The following CSMD3 variants were observed in gnomAD, a reference collection of about 807,000 sequenced individuals.
CSMD3 encodes CUB and sushi domain-containing protein 3.
In CSMD3, 177 loss-of-function variants were observed where a neutral mutation model predicts 435.2. The ratio of observed to expected loss-of-function variants is 0.41; its 90% CI spans 0.36 to 0.46. The LOEUF (loss-of-function observed/expected upper bound fraction) is 0.46, where lower values mean the gene tolerates loss of function less well. Ranked by LOEUF, CSMD3 falls within the 20% of genes least tolerant of loss-of-function variation. The pLI is 0.34. For missense variants in CSMD3, 4,265 were observed against 4,504.6 expected, an observed-to-expected ratio of 0.95 and a Z score of 1.52; for synonymous variants, 1,656 against 1,520.5, an observed-to-expected ratio of 1.09 and a Z score of -2.07.
At chr8:112,321,997 G>A (rs372156884) in intron 45 of CSMD3, among the ~76,000 whole-genome samples, 1 of 152,232 alleles carries the variant, frequency 6.6e-6, no homozygotes. Flanking sequence ...AAATGTAAGA[G>A]AAAATGGAGA....
At chr8:112,977,564 T>C (rs2084900614) in intron 6 of CSMD3, among the ~76,000 whole-genome samples, 1 of 152,032 alleles carries the variant, frequency 6.6e-6, no homozygotes, top group Non-Finnish European at 1.5e-5. Context: ...AAGTCAAACC[T>C]GGAGCCCCTC....
chr8:112,733,342 A>T (rs2077115849), intron 13 of CSMD3, among the ~76,000 whole-genome samples: 1 of 151,646 alleles, frequency 6.6e-6, no homozygotes, highest in Admixed American at 6.6e-5. Flanking sequence ...AATAAATTAG[A>T]ATTTGAATGT....
chr8:112,700,402 G>A (rs553424298), intron 13 of CSMD3, among the ~76,000 whole-genome samples: 1 of 152,234 alleles, frequency 6.6e-6, no homozygotes, highest in Non-Finnish European at 1.5e-5. Flanking sequence ...TCGGGAGGTT[G>A]AGGCTGGAAA....
intron 30 of CSMD3, among the ~76,000 whole-genome samples, chr8:112,496,202 C>G (rs890043284): frequency 1.3e-5 from 2 of 152,112 alleles, no homozygotes; most frequent in East Asian, 1.9e-4. Context: ...ATCTCCTGAC[C>G]TCATGATCCA....
rs1814201694 is a variant in CSMD3, at chr8:112,241,861, C to CACACAA, written c.10403-77_10403-76insTTGTGT. 129 of 869,846 alleles carry CACACAA rather than the reference C, an allele frequency of 1.5e-4. No homozygotes were observed. The South Asian group carries it at 1.7e-3, about 11-fold the overall frequency. The allele number at this position is 869,846 out of a possible 1,614,324, so 53.9% of individuals were successfully genotyped here. On this transcript the variant is annotated intron_variant, in intron 65 of 70. Transcript: ENST00000297405. ...ACACATGCGCACACACACACACGCACACACACACACAGTGTGATGCACTGT... is the reference window on the plus strand; with the variant it reads ...ACACATGCGCACACACACACACGCACACACAAACACACACACAGTGTGATGCACTGT...
intron 3 of CSMD3, among the ~76,000 whole-genome samples, chr8:113,263,744 A>G (rs979795934): frequency 6.6e-6 from 1 of 151,894 alleles, no homozygotes; most frequent in Non-Finnish European, 1.5e-5. Context: ...AGATAAAATC[A>G]ACATATGATA....
Position 112,530,533 on chromosome 8 carries a change from C to G in CSMD3, c.4565-13308G>C, listed in dbSNP as rs557849657. Among the ~76,000 whole-genome samples, 24 of 152,226 alleles carry G rather than the reference C, an allele frequency of 1.6e-4. 1 individual carries two copies. In the South Asian group the frequency reaches 4.8e-3, roughly 30 times the overall value. On this transcript the variant is annotated intron_variant, in intron 27 of 70. Coordinates refer to ENST00000297405, the MANE Select transcript of CSMD3 (RefSeq NM_198123.2). ...AATGTGGAAAGAAAAAATAGCCTGC[C>G]ACCATACACGGTCAAACTGTCTTTC...
intron 3 of CSMD3, among the ~76,000 whole-genome samples, chr8:113,231,941 T>A (rs1467370395): frequency 2.0e-5 from 3 of 151,452 alleles, no homozygotes; most frequent in Non-Finnish European, 4.4e-5. Context: ...AGTAATTTTT[T>A]CCCCAAAAAA....
At chr8:112,988,037 T>C (rs1477984191) in intron 6 of CSMD3, among the ~76,000 whole-genome samples, 5 of 151,920 alleles carry the variant, frequency 3.3e-5, no homozygotes, top group African/African-American at 1.2e-4. Context: ...TTGGCTAGGA[T>C]TTCCTCACTC....
chr8:113,106,270 A>T, intron 4 of CSMD3, among the ~76,000 whole-genome samples: 1 of 152,168 alleles, frequency 6.6e-6, no homozygotes, highest in East Asian at 1.9e-4. Context: ...GAAAGGGAAG[A>T]TATGAAAAGA....
chr8:112,641,250 A>G (rs888714588), intron 20 of CSMD3, among the ~76,000 whole-genome samples: 7 of 152,164 alleles, frequency 4.6e-5, no homozygotes, highest in African/African-American at 1.4e-4. Flanking sequence ...TTAAATGGTA[A>G]TATTTGCTTT....
At chr8:112,265,639 A>G (rs16883328) in intron 59 of CSMD3, 49 bp from the exon 60 acceptor site, 68,734 of 1,319,648 alleles carry the variant, frequency 0.052, 2,366 homozygotes, top group East Asian at 0.13. Context: ...GCATGTATTT[A>G]ATGGAGAGGA....
chr8:112,814,001 C>T (rs2079301788), intron 12 of CSMD3, among the ~76,000 whole-genome samples: 1 of 152,196 alleles, frequency 6.6e-6, no homozygotes, highest in African/African-American at 2.4e-5. Flanking sequence ...TGGGGAACTT[C>T]CCCCTTATCT....
intron 5 of CSMD3, among the ~76,000 whole-genome samples, chr8:113,033,712 A>G (rs753494531): frequency 4.0e-5 from 6 of 151,276 alleles, no homozygotes; most frequent in Non-Finnish European, 7.4e-5. Flanking sequence ...ACTTTGGGGA[A>G]CTGTTAGGAA....
intron 30 of CSMD3, among the ~76,000 whole-genome samples, chr8:112,501,164 T>A (rs1563624785): frequency 1.3e-5 from 2 of 151,880 alleles, no homozygotes; most frequent in African/African-American, 2.4e-5. Context: ...GTCCCTGTCC[T>A]TAATCTTCTT....
chr8:112,781,157 G>A (rs556597119), intron 13 of CSMD3, among the ~76,000 whole-genome samples: 60 of 151,710 alleles, frequency 4.0e-4, no homozygotes, highest in African/African-American at 1.4e-3. Context: ...CTGATTCCAG[G>A]TATTTATAGA....
Position 112,224,414 on chromosome 8 carries a change from T to G in CSMD3, c.*357A>C. ...TAGCTCTTATTTCTACCCTATATCT[T>G]TTTTTTTAAACCCAGTCCCTCTAAT... On this transcript the variant is annotated 3_prime_UTR_variant, in exon 71 of 71. Transcript: ENST00000297405. 1 of 308,658 alleles carries G rather than the reference T, an allele frequency of 3.2e-6. No homozygotes were observed. The highest frequency in any genetic ancestry group is 6.3e-6 in the Non-Finnish European group (1 of 158,250). The allele number at this position is 308,658 out of a possible 1,614,324, so 19.1% of individuals were successfully genotyped here.
At chr8:112,254,104 C>T (rs1815551217) in intron 63 of CSMD3, 149 bp downstream of exon 63, 51 of 657,562 alleles carry the variant, frequency 7.8e-5, no homozygotes, top group South Asian at 2.2e-4. Context: ...CCTTTACTTC[C>T]ACTCTTTTGC....
At chr8:112,657,052 T>C (rs1031959422) in intron 17 of CSMD3, among the ~76,000 whole-genome samples, 1 of 149,926 alleles carries the variant, frequency 6.7e-6, no homozygotes, top group African/African-American at 2.5e-5. Context: ...AAACTTTTTT[T>C]TCTTTTTACT....
Sources: allele counts gnomAD v4.1 joint callset (sites outside exome capture counted in the v4.1 genomes callset), GRCh38; gene constraint gnomAD v4.1.1; transcripts MANE v1.5; gene names NCBI Gene and HGNC (gene_info 2026-07-23, HGNC 2026-07-21).